Variants in UBE2S observed in about 807,000 individuals in gnomAD.
UBE2S encodes ubiquitin-conjugating enzyme E2 S.
In UBE2S, 3 loss-of-function variants were observed where a neutral mutation model predicts 12.3. The ratio of observed to expected loss-of-function variants is 0.24; its 90% confidence interval spans 0.11 to 0.63. UBE2S has a LOEUF of 0.63. UBE2S is among the 30% of genes least tolerant of loss of function. UBE2S has a pLI of 0.85. For synonymous variants in UBE2S, 133 were observed against 142.0 expected (o/e 0.94, Z 0.45); for missense variants, 211 against 313.9 (o/e 0.67, Z 2.48).
rs200933021 is a variant in UBE2S at position 55,401,627 on chromosome 19, C to T, written c.478G>A (p.Gly160Arg). 949 of 1,606,054 alleles carry T rather than the reference C, an allele frequency of 5.9e-4. 4 individuals carry two copies. The African/African-American group carries it at 0.011, about 18-fold the overall frequency. ...CCGGCTTCGGCCCTGCCGCTGGGCCCGCCGGCGCCCCCGTGGATCTCTGTG... is the reference window on the plus strand; with the variant it reads ...CCGGCTTCGGCCCTGCCGCTGGGCCTGCCGGCGCCCCCGTGGATCTCTGTG... Reference protein sequence around the residue: ...LLTEIHGGAGGPSGRAEAGRA... With the variant: ...LLTEIHGGAGRPSGRAEAGRA... The change falls in exon 4 of 4, where the codon GGG (glycine) becomes AGG (arginine). Residue 160 changes from glycine to arginine, a missense_variant. Physicochemically the swap from Gly to Arg is moderately radical, Grantham distance 125. Around this residue, in one of 2 missense-constraint regions of UBE2S, gnomAD observed 127 missense variants for 224.0 expected, o/e 0.57. Transcript: ENST00000264552.
At chr19:55,407,360 C>A (rs1290987387) in intron 1 of UBE2S, among the ~76,000 whole-genome samples, 1 of 152,164 alleles carries the variant, frequency 6.6e-6, no homozygotes, top group East Asian at 1.9e-4. Flanking sequence ...CCTGGTAACA[C>A]CCATGGGCGG....
rs1390872402 is a variant in UBE2S at position 55,406,903 on chromosome 19, C to T, written c.63G>A (p.Thr21=). Residue 21 remains threonine, a synonymous_variant, in exon 2 of 4, where the codon ACG becomes ACA. Transcript: ENST00000264552. The stretch of plus-strand genomic sequence containing the variant: ...CATCGGGTGGGTCTGCGGTCAGTGT[C>T]GTCACCTCCTTGTACACCAGGCGGA... ...HIIRLVYKEV[T]TLTADPPDGI... 3.1e-6 allele frequency: 5 copies of T among 1,613,868 alleles called. No individual in the cohort carries two copies. Among genetic ancestry groups the T allele is most frequent in the South Asian group, 1.1e-5 (1 of 91,070 alleles).
chr19:55,403,113 T>A, intron 3 of UBE2S: 1 of 887,632 alleles, frequency 1.1e-6, no homozygotes, highest in Non-Finnish European at 1.8e-6. Flanking sequence ...TAGATGCTAG[T>A]GGCACCCCCG....
chr19:55,407,035 G>A, intron 1 of UBE2S, 73 bp from the exon 2 acceptor site: 2 of 1,551,844 alleles, frequency 1.3e-6, no homozygotes, highest in East Asian at 2.3e-5. Context: ...AAGATGCTGA[G>A]ACTGCCCAAG....
At chr19:55,402,744 C>T (rs897252434) in intron 3 of UBE2S, among the ~76,000 whole-genome samples, 22 of 152,104 alleles carry the variant, frequency 1.4e-4, no homozygotes, top group Non-Finnish European at 2.1e-4. Flanking sequence ...GCCTGGAGCT[C>T]GGTGCCAATG....
rs1012025714 is a variant in UBE2S, at chr19:55,401,156, G to C, written c.*280C>G. ...AAACCTCAAACAGCAAGGCTGGTGA[G>C]CTAGATGGACCCACTGCTGCAGTCC... On this transcript the variant is annotated 3_prime_UTR_variant, in exon 4 of 4. Transcript: ENST00000264552. The C allele has an allele frequency of 1.6e-5, 8 of 506,732 alleles. No individual in the cohort carries two copies. The highest frequency in any genetic ancestry group is 2.4e-5 in the Non-Finnish European group (7 of 287,146). The allele number at this position is 506,732 out of a possible 1,614,324, so 31.4% of individuals were successfully genotyped here. A position where few individuals can be genotyped will look rare whatever the true frequency, so the allele number is the denominator to read the frequency against.
intron 3 of UBE2S, among the ~76,000 whole-genome samples, chr19:55,402,538 A>G (rs1390224091): frequency 6.6e-6 from 1 of 152,212 alleles, no homozygotes; most frequent in African/African-American, 2.4e-5. Flanking sequence ...AACTGGCCAC[A>G]GCAGTTTGCT....
chr19:55,403,225 T>C (rs1002032784), intron 3 of UBE2S: 29 of 617,460 alleles, frequency 4.7e-5, no homozygotes, highest in Admixed American at 1.9e-4. Flanking sequence ...CCTATCGCTA[T>C]TAAAAAACCA....
intron 3 of UBE2S, chr19:55,402,953 G>A: frequency 1.3e-6 from 2 of 1,529,096 alleles, no homozygotes; most frequent in Non-Finnish European, 1.7e-6. Context: ...CTTGCGGGAA[G>A]GGTTGGGAGG....
At chr19:55,402,928 T>TC in intron 3 of UBE2S, 2 of 665,274 alleles carry the variant, frequency 3.0e-6, no homozygotes, top group Admixed American at 8.0e-5. Context: ...TTTGGTTAAC[T>TC]TTTTTTTTTT....
At chr19:55,402,558 C>T (rs530499077) in intron 3 of UBE2S, among the ~76,000 whole-genome samples, 4 of 152,308 alleles carry the variant, frequency 2.6e-5, no homozygotes, top group Admixed American at 2.6e-4. Context: ...TCCCTGGGGC[C>T]ACTATGACAC....
chr19:55,407,398 C>T (rs2090103699), intron 1 of UBE2S, among the ~76,000 whole-genome samples, 189 bp downstream of exon 1: 1 of 152,172 alleles, frequency 6.6e-6, no homozygotes, highest in Admixed American at 6.5e-5. Context: ...GCCCTCGCCG[C>T]CAGGGAGACT....
rs1321203511 is a variant in UBE2S, at chr19:55,400,571, A to C, written c.*865T>G. 1 of 152,274 alleles carries C rather than the reference A, an allele frequency of 6.6e-6. No homozygotes were observed. Among genetic ancestry groups the C allele is most frequent in the Non-Finnish European group, 1.5e-5 (1 of 68,074 alleles). The allele number at this position is 152,274 out of a possible 1,614,324, so 9.4% of individuals were successfully genotyped here. ...CTTAAATCAGACCTGCCAGGGCCCAAGGAGGGGCAGCTTCTTGGAGCTAAG... is the reference window on the plus strand; with the variant it reads ...CTTAAATCAGACCTGCCAGGGCCCACGGAGGGGCAGCTTCTTGGAGCTAAG... On this transcript the variant is annotated 3_prime_UTR_variant, in exon 4 of 4. Coordinates refer to ENST00000264552, the MANE Select transcript of UBE2S (RefSeq NM_014501.3).
At chr19:55,405,778 A>G (rs1193190697) in intron 2 of UBE2S, among the ~76,000 whole-genome samples, 2 of 152,110 alleles carry the variant, frequency 1.3e-5, no homozygotes, top group Non-Finnish European at 2.9e-5. Flanking sequence ...TTAATTCCAC[A>G]GCCTCCCAAC....
At chr19:55,407,534 C>T in intron 1 of UBE2S, 53 bp downstream of exon 1, 1 of 1,524,026 alleles carries the variant, frequency 6.6e-7, no homozygotes, top group Non-Finnish European at 8.8e-7. Flanking sequence ...ACTCCACCTC[C>T]TCCCTCAGGG....
At chr19:55,403,563 T>G (rs2090076888) in intron 3 of UBE2S, among the ~76,000 whole-genome samples, 1 of 151,756 alleles carries the variant, frequency 6.6e-6, no homozygotes. Context: ...AAGAAAGAGC[T>G]TCTAACTAGA....
In UBE2S at chr19:55,404,296, C is replaced by T. The variant is rs771304310; in HGVS notation, c.334G>A (p.Val112Ile). The change falls in exon 3 of 4, where the codon GTA (valine) becomes ATA (isoleucine). Residue 112 changes from valine to isoleucine, a missense_variant. Physicochemically the swap from Val to Ile is conservative, Grantham distance 29. Around this residue, in one of 2 missense-constraint regions of UBE2S, gnomAD observed 127 missense variants for 224.0 expected, o/e 0.57. Coordinates refer to ENST00000264552, the MANE Select transcript of UBE2S (RefSeq NM_014501.3). This position sits in a 1 kb window ranked among gnomAD's most constrained non-coding sequence, Gnocchi z 4.4. ...DWTAELGIRHVLLTIKCLLIH... is the reference protein window; with the variant it reads ...DWTAELGIRHILLTIKCLLIH... ...CCCAGCCCAGAACTCACCAGCAGTA[C>T]GTGTCGGATGCCCAGCTCAGCCGTC... 6.9e-5 allele frequency: 112 copies of T among 1,612,870 alleles called. 1 individual carries two copies. In the East Asian group the frequency reaches 2.1e-3, roughly 30 times the overall value.
At position 55,404,540 on chromosome 19, in the gene UBE2S, C is replaced by G. The variant is rs2090084146; in HGVS notation, c.152-62G>C. The G allele has an allele frequency of 6.9e-7, 1 of 1,457,456 alleles. No homozygotes were observed. Among genetic ancestry groups the G allele is most frequent in the African/African-American group, 1.4e-5 (1 of 70,980 alleles). The allele number at this position is 1,457,456 out of a possible 1,614,324, so 90.3% of individuals were successfully genotyped here. ...AGGAGTCCCAAGGCACCTCAACACC[C>G]CAAAGTCCAGTCTCCACGGTCTGAT... On this transcript the variant is annotated intron_variant, in intron 2 of 3. Coordinates refer to ENST00000264552, the MANE Select transcript of UBE2S (RefSeq NM_014501.3). This position sits in a 1 kb window ranked among gnomAD's most constrained non-coding sequence, Gnocchi z 4.4.
At chr19:55,406,172 C>T (rs933922659) in intron 2 of UBE2S, among the ~76,000 whole-genome samples, 10 of 152,186 alleles carry the variant, frequency 6.6e-5, no homozygotes, top group South Asian at 2.1e-4. Flanking sequence ...CATGATCCCG[C>T]GCCCTCTGCA....
Sources: gnomAD v4.1 joint callset for allele counts (sites outside exome capture counted in the v4.1 genomes callset) on GRCh38, gnomAD v4.1.1 for gene constraint, gnomAD v4.1.1 regional missense constraint, Gnocchi (gnomAD v3.1) non-coding constraint, MANE v1.5 for transcripts, NCBI Gene and HGNC (gene_info 2026-07-23, HGNC 2026-07-21) for gene names.